Variants in RALYL observed in about 807,000 individuals in gnomAD.
The protein encoded by RALYL is RALY RNA binding protein like.
Under a neutral mutation model 35.1 loss-of-function variants are expected in RALYL, and 29 were observed. That is an observed-to-expected ratio of 0.83 (90% confidence interval 0.61 to 1.13). The LOEUF (loss-of-function observed/expected upper bound fraction) is 1.13. RALYL is among the 50% of genes most tolerant of loss of function. The pLI, the probability that RALYL is intolerant of heterozygous loss-of-function variation, is 0.00. For synonymous variants in RALYL, 120 were observed against 127.6 expected (o/e 0.94, Z 0.40); for missense variants, 359 against 360.4 (o/e 1.00, Z 0.03).
At chr8:84,876,096 C>T (rs916079477) in intron 7 of RALYL, among the ~76,000 whole-genome samples, 7 of 152,036 alleles carry the variant, frequency 4.6e-5, no homozygotes, top group Admixed American at 2.0e-4. Flanking sequence ...CCTTAAATTG[C>T]TCAAATAGAT....
chr8:84,253,838 GT>G (rs1223948126), intron 1 of RALYL, among the ~76,000 whole-genome samples: 5 of 152,234 alleles, frequency 3.3e-5, no homozygotes, highest in African/African-American at 9.6e-5. Context: ...CACTCTCACA[GT>G]TTTTCATTGC....
chr8:84,222,072 AC>A (rs1168382779), intron 1 of RALYL, among the ~76,000 whole-genome samples: 2 of 152,142 alleles, frequency 1.3e-5, no homozygotes, highest in Admixed American at 1.3e-4. Flanking sequence ...TTGCTTAATC[AC>A]CTATATCATG....
intron 1 of RALYL, among the ~76,000 whole-genome samples, chr8:84,221,971 C>A (rs1334243049): frequency 6.6e-6 from 1 of 151,962 alleles, no homozygotes; most frequent in Non-Finnish European, 1.5e-5. Flanking sequence ...TTTTAAATAT[C>A]TATCTTTGTG....
intron 2 of RALYL, among the ~76,000 whole-genome samples, chr8:84,766,029 G>A: frequency 6.6e-6 from 1 of 152,126 alleles, no homozygotes; most frequent in East Asian, 1.9e-4. Flanking sequence ...ATTGCTAGTG[G>A]TAGAGTAAGT....
intron 4 of RALYL, among the ~76,000 whole-genome samples, chr8:84,815,113 G>A (rs942344135): frequency 6.6e-6 from 1 of 152,096 alleles, no homozygotes; most frequent in African/African-American, 2.4e-5. Flanking sequence ...ATCCCTCCCT[G>A]TTTTAAATGC....
intron 2 of RALYL, among the ~76,000 whole-genome samples, chr8:84,728,818 T>C (rs1425236201): frequency 6.6e-6 from 1 of 152,212 alleles, no homozygotes; most frequent in Non-Finnish European, 1.5e-5. Context: ...GGCTCTGTTC[T>C]GTTCCATTGA....
intron 1 of RALYL, among the ~76,000 whole-genome samples, chr8:84,186,519 G>C (rs1812563444): frequency 6.6e-6 from 1 of 152,066 alleles, no homozygotes; most frequent in Non-Finnish European, 1.5e-5. Context: ...GCAAGAACTT[G>C]AATGATCGAA....
intron 2 of RALYL, among the ~76,000 whole-genome samples, chr8:84,540,905 A>C (rs2059977073): frequency 6.6e-6 from 1 of 152,064 alleles, no homozygotes; most frequent in South Asian, 2.1e-4. Flanking sequence ...TTTTCAAAAA[A>C]AAGTGTACAT....
At chr8:84,462,030 G>T (rs1002069657) in intron 1 of RALYL, among the ~76,000 whole-genome samples, 1 of 151,772 alleles carries the variant, frequency 6.6e-6, no homozygotes, top group Non-Finnish European at 1.5e-5. Context: ...TGCCCAGATT[G>T]CAGCAGTGCC....
At chr8:84,826,869 A>G (rs558978433) in intron 4 of RALYL, among the ~76,000 whole-genome samples, 1 of 152,204 alleles carries the variant, frequency 6.6e-6, no homozygotes, top group South Asian at 2.1e-4. Flanking sequence ...ATCACCAGAC[A>G]TTTGAGGAAA....
chr8:84,223,081 GCCTTTCCTTTCCTTTCCTTTCCTTT>G (rs767992068), intron 1 of RALYL, among the ~76,000 whole-genome samples: 1,631 of 52,562 alleles, frequency 0.031, 48 homozygotes, highest in African/African-American at 0.071. Flanking sequence ...CCTTTGCCCT[GCCTTTCCTTTCCTTTCCTTTCCTTT>G]CCTTTCCTTT....
At position 84,509,975 on chromosome 8, in the gene RALYL, G is replaced by A. The variant is rs187434594; in HGVS notation, c.-23-19324G>A. On this transcript the variant is annotated intron_variant, in intron 1 of 8. Transcript: ENST00000521268. The stretch of plus-strand genomic sequence containing the variant: ...CTTCCAACTTTGTTCTTCAATATTA[G>A]GTTGCCCATTCTGGGAACTTAGCCT... 7.1e-4 allele frequency among the ~76,000 whole-genome samples: 108 copies of A among 152,170 alleles called. 1 individual carries two copies. The Middle Eastern group carries it at 0.014, about 19-fold the overall frequency.
chr8:84,227,267 C>T (rs192259419), intron 1 of RALYL, among the ~76,000 whole-genome samples: 118 of 151,820 alleles, frequency 7.8e-4, no homozygotes, highest in African/African-American at 2.7e-3. Flanking sequence ...ACCATGTTGG[C>T]CACACTGGTC....
intron 2 of RALYL, among the ~76,000 whole-genome samples, chr8:84,612,780 T>A (rs1818600969): frequency 6.6e-6 from 1 of 151,594 alleles, no homozygotes; most frequent in South Asian, 2.1e-4. Flanking sequence ...ATAAACTAGG[T>A]ATAAAAAGAG....
chr8:84,789,684 C>T (rs551990058), intron 3 of RALYL, among the ~76,000 whole-genome samples: 1 of 151,968 alleles, frequency 6.6e-6, no homozygotes, highest in Non-Finnish European at 1.5e-5. Context: ...ATGGTGAAAC[C>T]CCATCTTTAC....
chr8:84,784,487 A>G (rs193001327), intron 3 of RALYL, among the ~76,000 whole-genome samples: 168 of 152,292 alleles, frequency 1.1e-3, no homozygotes, highest in African/African-American at 3.9e-3. Context: ...GTAAAAATGT[A>G]TTTTTCCCTA....
At chr8:84,643,524 C>T (rs1826836584) in intron 2 of RALYL, among the ~76,000 whole-genome samples, 2 of 151,994 alleles carry the variant, frequency 1.3e-5, no homozygotes, top group South Asian at 2.1e-4. Flanking sequence ...ACGTTCCAGC[C>T]ATGGGGTCAG....
chr8:84,413,263 TA>T (rs1426194582), intron 1 of RALYL, among the ~76,000 whole-genome samples: 1 of 151,640 alleles, frequency 6.6e-6, no homozygotes, highest in Admixed American at 6.6e-5. Flanking sequence ...AAAGCTTTAA[TA>T]TTTTTTGATT....
Position 84,556,913 on chromosome 8 carries a change from G to A in RALYL, c.256+27336G>A, listed in dbSNP as rs1057177383. ...AGAACTGTCACAGGGCATATTATTT[G>A]AATGGGAAATAAATATTAAAGCCAC... is the stretch of plus-strand genomic sequence containing the variant. On this transcript the variant is annotated intron_variant, in intron 2 of 8. Transcript: ENST00000521268. Among the ~76,000 whole-genome samples the A allele has an allele frequency of 3.3e-5, 5 of 152,226 alleles. No homozygotes were observed. In the East Asian group the frequency reaches 9.6e-4, roughly 29 times the overall value.
Sources: allele counts gnomAD v4.1 joint callset (sites outside exome capture counted in the v4.1 genomes callset), GRCh38; gene constraint gnomAD v4.1.1; transcripts MANE v1.5; gene names NCBI Gene and HGNC (gene_info 2026-07-23, HGNC 2026-07-21).